APLN: variants seen among roughly 807,000 people sequenced by gnomAD.
APLN encodes the protein apelin.
Under a neutral mutation model 4.3 loss-of-function variants are expected in APLN, and 2 were observed. The ratio of observed to expected loss-of-function variants is 0.46; its 90% CI spans 0.19 to 1.45. The LOEUF is 1.45. Among genes scored for constraint, APLN ranks in the 40% most tolerant of loss-of-function variants. The pLI is 0.25. For missense variants in APLN, 80 were observed against 70.0 expected (o/e 1.14, Z -0.51); for synonymous variants, 34 against 30.4 (o/e 1.12, Z -0.38).
At chrX:129,654,488 G>A in intron 1 of APLN, 76 bp downstream of exon 1, 1 of 1,013,891 alleles carries the variant, frequency 9.9e-7, no homozygotes, top group African/African-American at 1.9e-5. Flanking sequence ...CCCGGGAGGC[G>A]GGGAGAGTGC....
intron 1 of APLN, among the ~76,000 whole-genome samples, chrX:129,654,176 C>T (rs1462828808): frequency 8.8e-6 from 1 of 113,340 alleles, no homozygotes; most frequent in African/African-American, 3.2e-5. Context: ...CCAGCCCACT[C>T]GACTCTGGTC....
In APLN at chrX:129,647,892, G is replaced by T. The variant is rs1488513320; in HGVS notation, c.*31C>A. The T allele has an allele frequency of 2.0e-6, 2 of 983,301 alleles. No individual in the cohort carries two copies. The highest frequency in any genetic ancestry group is 7.5e-5 in the East Asian group (1 of 13,342). The allele number at this position is 983,301 out of a possible 1,213,427, so 81.0% of individuals were successfully genotyped here. On this transcript the variant is annotated 3_prime_UTR_variant, in exon 3 of 3. Coordinates refer to ENST00000429967, the MANE Select transcript of APLN (RefSeq NM_017413.5). ...TATGGAGGAGACATAACCGCCGGGG[G>T]TGGGCACTTGGGGGCCCCTTCAGTC...
rs1216847786 is a variant in APLN, at chrX:129,654,831, G to C, written c.-201C>G. On this transcript the variant is annotated 5_prime_UTR_variant, in exon 1 of 3. Transcript: ENST00000429967. ...CTCTTCTGCAGCCTCCTCTCCCGCC[G>C]CGGGGCAGCGCCGCGAAGCTGGCCT... 1 of 205,032 alleles carries C rather than the reference G, an allele frequency of 4.9e-6. No individual in the cohort carries two copies. Among genetic ancestry groups the C allele is most frequent in the African/African-American group, 3.0e-5 (1 of 33,320 alleles). The allele number at this position is 205,032 out of a possible 1,213,427, so 16.9% of individuals were successfully genotyped here.
chrX:129,650,517 TC>T (rs1298643472), intron 1 of APLN, among the ~76,000 whole-genome samples: 4 of 111,432 alleles, frequency 3.6e-5, no homozygotes, highest in Non-Finnish European at 7.5e-5. Flanking sequence ...CTTCCCTCTT[TC>T]CCCAAGAAAA....
Position 129,654,781 on chromosome X carries a change from C to G in APLN, c.-151G>C, listed in dbSNP as rs1466641318. ...GGCCGCTGAGTGTGCGCGCTGAGCC[C>G]CGCCGCTCCCGCTGGCCGCCTCCGC... On this transcript the variant is annotated 5_prime_UTR_variant, in exon 1 of 3. Transcript: ENST00000429967. 1.9e-5 allele frequency: 5 copies of G among 261,306 alleles called. No individual in the cohort carries two copies. Among genetic ancestry groups the G allele is most frequent in the African/African-American group, 1.5e-4 (5 of 34,445 alleles). The allele number at this position is 261,306 out of a possible 1,213,427, so 21.5% of individuals were successfully genotyped here.
At chrX:129,648,497 G>A (rs766645039) in intron 2 of APLN, 124 bp downstream of exon 2, 24 of 842,121 alleles carry the variant, frequency 2.8e-5, no homozygotes, top group Admixed American at 1.9e-4. Flanking sequence ...AAGCCTCTGT[G>A]AGTGTGGCGC....
Position 129,648,626 on chromosome X carries a change from T to TCAGA in APLN, c.230_233dup (p.Ter78CysfsTer6). On this transcript the variant is annotated frameshift_variant and stop_lost, in exon 2 of 3. Transcript: ENST00000429967. LOFTEE classifies it high-confidence loss of function. ...CTGAACAGAGGCTCAAGTACCTGCTTCAGAAAGGCATGGGTCCCTTATGGG... is the reference window on the plus strand; with the variant it reads ...CTGAACAGAGGCTCAAGTACCTGCTTCAGACAGAAAGGCATGGGTCCCTTATGGG... 1 of 1,206,716 alleles carries TCAGA rather than the reference T, an allele frequency of 8.3e-7. No homozygotes were observed. Among genetic ancestry groups the TCAGA allele is most frequent in the South Asian group, 1.8e-5 (1 of 55,738 alleles).
intron 1 of APLN, among the ~76,000 whole-genome samples, chrX:129,650,197 C>T (rs186593445): frequency 1.8e-4 from 20 of 111,016 alleles, no homozygotes; most frequent in Admixed American, 1.4e-3. Context: ...CTCACAGTTT[C>T]CATAGAGCCT....
At chrX:129,652,164 GGGA>G (rs1850462339) in intron 1 of APLN, among the ~76,000 whole-genome samples, 1 of 111,453 alleles carries the variant, frequency 9.0e-6, no homozygotes, top group African/African-American at 3.3e-5. Flanking sequence ...CCTGCGGAGG[GGGA>G]GGAGAAGGGG....
rs773947017 is a variant in APLN, at chrX:129,649,144, CA to C, written c.68-353del. On this transcript the variant is annotated intron_variant, in intron 1 of 2. Coordinates refer to ENST00000429967, the MANE Select transcript of APLN (RefSeq NM_017413.5). Reference sequence around the variant, plus strand: ...CTGGGGGGCAGGAGGCAGTAATCACCACGGCACCCCTGCAACTGGTACACTT... The same window carrying C: ...CTGGGGGGCAGGAGGCAGTAATCACCCGGCACCCCTGCAACTGGTACACTT... Among the ~76,000 whole-genome samples, 35 of 111,149 alleles carry C rather than the reference CA, an allele frequency of 3.1e-4. No individual in the cohort carries two copies. The East Asian group carries it at 9.0e-3, about 29-fold the overall frequency.
At chrX:129,648,506 G>T in intron 2 of APLN, 115 bp downstream of exon 2, 1 of 906,238 alleles carries the variant, frequency 1.1e-6, no homozygotes, top group Non-Finnish European at 1.5e-6. Context: ...TGAGTGTGGC[G>T]CCAGGACTGT....
chrX:129,651,134 G>A (rs935656901), intron 1 of APLN, among the ~76,000 whole-genome samples: 1 of 86,619 alleles, frequency 1.2e-5, no homozygotes, highest in Non-Finnish European at 1.9e-5. Context: ...TGGGGAGCAG[G>A]GTTGGTGGCT....
intron 1 of APLN, among the ~76,000 whole-genome samples, chrX:129,650,247 T>TC (rs1750073651): frequency 9.1e-6 from 1 of 110,137 alleles, no homozygotes; most frequent in African/African-American, 3.3e-5. Flanking sequence ...CCCTGGCAGC[T>TC]CCCCCTTCCC....
intron 1 of APLN, among the ~76,000 whole-genome samples, chrX:129,649,749 C>A (rs1404839402): frequency 4.5e-5 from 5 of 111,187 alleles, no homozygotes; most frequent in Non-Finnish European, 5.7e-5. Context: ...CAGCTGGCTT[C>A]TATTCTGCAC....
intron 1 of APLN, among the ~76,000 whole-genome samples, chrX:129,649,249 A>G (rs1365387642): frequency 8.9e-6 from 1 of 112,305 alleles, no homozygotes; most frequent in Non-Finnish European, 1.9e-5. Flanking sequence ...AGTTATCCAG[A>G]TGGAGTCACA....
rs1039020721 is a variant in APLN at position 129,654,504 on chromosome X, G to C, written c.67+60C>G. The C allele has an allele frequency of 4.5e-5, 49 of 1,091,331 alleles. No homozygotes were observed. The Middle Eastern group carries it at 1.2e-3, about 26-fold the overall frequency. 89.9% of individuals were successfully genotyped at this position (1,091,331 alleles called of 1,213,427 possible). On this transcript the variant is annotated intron_variant, in intron 1 of 2. Transcript: ENST00000429967. ...CCGGGAGGCGGGGAGAGTGCGAATA[G>C]GGCGGAGGGAAAGGAGCACGCCGGC...
rs1399239751 is a variant in APLN, at chrX:129,645,885, A to G, written c.*2038T>C. 3.5e-5 allele frequency: 4 copies of G among 112,845 alleles called. No individual in the cohort carries two copies. The highest frequency in any genetic ancestry group is 7.5e-5 in the Non-Finnish European group (4 of 53,288). The allele number at this position is 112,845 out of a possible 1,213,427, so 9.3% of individuals were successfully genotyped here. A position where few individuals can be genotyped will look rare whatever the true frequency, so the allele number is the denominator to read the frequency against. ...CAAACATTGAACACAGGGGAAGGGA[A>G]CAATTTCTTAATGAACAGGGCCTTA... is the stretch of plus-strand genomic sequence containing the variant. On this transcript the variant is annotated 3_prime_UTR_variant, in exon 3 of 3. Transcript: ENST00000429967.
chrX:129,648,861 C>A lies in APLN; in HGVS notation c.68-69G>T, dbSNP rs952409092. 8.2e-6 allele frequency: 8 copies of A among 974,480 alleles called. No homozygotes were observed. In the African/African-American group the frequency reaches 1.2e-4, roughly 14 times the overall value. The allele number at this position is 974,480 out of a possible 1,213,427, so 80.3% of individuals were successfully genotyped here. A position where few individuals can be genotyped will look rare whatever the true frequency, so the allele number is the denominator to read the frequency against. On this transcript the variant is annotated intron_variant, in intron 1 of 2. Transcript: ENST00000429967. ...ACGGGCAGGGGCTGCAGACCACAGG[C>A]CCGCGGGAGGGGTGGTCTGTCCATG... is the stretch of plus-strand genomic sequence containing the variant.
At chrX:129,652,173 A>C (rs1319575783) in intron 1 of APLN, among the ~76,000 whole-genome samples, 1 of 111,218 alleles carries the variant, frequency 9.0e-6, no homozygotes, top group Non-Finnish European at 1.9e-5. Context: ...GGGGAGGAGA[A>C]GGGGAAAAAG....
Sources: allele counts gnomAD v4.1 joint callset (sites outside exome capture counted in the v4.1 genomes callset), GRCh38; gene constraint gnomAD v4.1.1; transcripts MANE v1.5; gene names NCBI Gene and HGNC (gene_info 2026-07-23, HGNC 2026-07-21).